SYNE1: variants seen among roughly 807,000 people sequenced by gnomAD.
SYNE1 encodes nesprin-1.
In SYNE1, 616 loss-of-function variants were observed where a neutral mutation model predicts 1,111.0. The ratio of observed to expected loss-of-function variants is 0.55; its 90% CI spans 0.52 to 0.59. The LOEUF is 0.59. Among genes scored for constraint, SYNE1 ranks in the 20% least tolerant of loss-of-function variants. The pLI, the probability that SYNE1 is intolerant of heterozygous loss-of-function variation, is 0.00. For missense variants in SYNE1, 10,006 were observed against 10,417.0 expected (o/e 0.96, Z 1.72); for synonymous variants, 3,855 against 3,825.8 (o/e 1.01, Z -0.28).
intron 3 of SYNE1, among the ~76,000 whole-genome samples, chr6:152,599,073 C>A (rs1195850293): frequency 1.3e-5 from 2 of 152,110 alleles, no homozygotes; most frequent in Non-Finnish European, 2.9e-5. Context: ...CAGCACAGTC[C>A]AAGGAAATTT....
rs2095512101 is a variant in SYNE1, at chr6:152,310,411, C to CG, written c.17003_17004insC (p.Gln5668HisfsTer11). ...TTTGGCTTACCTGCCGATGAGAGAG[C>CG]TGCTCCTTGAGACTGAGACGTCCAA... is the stretch of plus-strand genomic sequence containing the variant. On this transcript the variant is annotated frameshift_variant, in exon 89 of 146. Coordinates refer to ENST00000367255, the MANE Select transcript of SYNE1 (RefSeq NM_182961.4). LOFTEE classifies it high-confidence loss of function. 1.9e-6 allele frequency: 3 copies of CG among 1,614,080 alleles called. No homozygotes were observed. The highest frequency in any genetic ancestry group is 2.5e-6 in the Non-Finnish European group (3 of 1,180,056).
Position 152,211,417 on chromosome 6 carries a change from C to T in SYNE1, c.22589+77G>A, listed in dbSNP as rs943203421. On this transcript the variant is annotated intron_variant, in intron 124 of 145. Transcript: ENST00000367255. ...TGCCTCAGGAAGATTGGATATATGCCCTCCAATCTGCTCATTAAAAAGAAA... is the reference window on the plus strand; with the variant it reads ...TGCCTCAGGAAGATTGGATATATGCTCTCCAATCTGCTCATTAAAAAGAAA... 1.7e-5 allele frequency: 20 copies of T among 1,209,068 alleles called. No homozygotes were observed. The African/African-American group carries it at 2.8e-4, about 17-fold the overall frequency. The allele number at this position is 1,209,068 out of a possible 1,614,324, so 74.9% of individuals were successfully genotyped here. A position where few individuals can be genotyped will look rare whatever the true frequency, so the allele number is the denominator to read the frequency against.
Position 152,628,264 on chromosome 6 carries a change from C to A in SYNE1, c.67+1G>T, listed in dbSNP as rs1213042460. On this transcript the variant is annotated splice_donor_variant, in intron 3 of 145. Coordinates refer to ENST00000367255, the MANE Select transcript of SYNE1 (RefSeq NM_182961.4). LOFTEE classifies it high-confidence loss of function. Reference sequence around the variant, plus strand: ...TAAAACCTGAAATTTCTTCCCCCTACCTTGCAGCCTCTGCATCACATTGGC... The same window carrying A: ...TAAAACCTGAAATTTCTTCCCCCTAACTTGCAGCCTCTGCATCACATTGGC... 7 of 1,614,144 alleles carry A rather than the reference C, an allele frequency of 4.3e-6. No homozygotes were observed. The highest frequency in any genetic ancestry group is 5.1e-6 in the Non-Finnish European group (6 of 1,180,026).
At chr6:152,473,907 C>A (rs910113969) in intron 14 of SYNE1, among the ~76,000 whole-genome samples, 1 of 152,084 alleles carries the variant, frequency 6.6e-6, no homozygotes, top group Non-Finnish European at 1.5e-5. Flanking sequence ...ATTCTTAGGC[C>A]GGGTGTGGTG....
intron 42 of SYNE1, among the ~76,000 whole-genome samples, chr6:152,411,809 C>T (rs550458751): frequency 2.6e-4 from 39 of 151,284 alleles, no homozygotes; most frequent in African/African-American, 9.3e-4. Context: ...TGTCACAATA[C>T]CAAGTGTTAG....
chr6:152,241,538 C>A, intron 107 of SYNE1, among the ~76,000 whole-genome samples: 1 of 11,288 alleles, frequency 8.9e-5, no homozygotes, highest in African/African-American at 5.6e-4. Flanking sequence ...GTGAAATACG[C>A]ATTCTTCTAC....
In SYNE1 at chr6:152,425,415, T is replaced by G; in HGVS notation, c.5233A>C (p.Arg1745=). ...MKLHLEQLDE[R]WRDLPQIINK... is the part of the protein sequence containing the mutation. The stretch of plus-strand genomic sequence containing the variant: ...ATGATCTGTGGTAAATCTCTCCATC[T>G]CTCATCCAACTGCTCCAAATGTAGT... Residue 1745 remains arginine (R), a synonymous_variant, in exon 39 of 146, where the codon AGA becomes CGA. Transcript: ENST00000367255. 6.2e-7 allele frequency: 1 copy of G among 1,614,220 alleles called. No individual in the cohort carries two copies. The highest frequency in any genetic ancestry group is 8.5e-7 in the Non-Finnish European group (1 of 1,180,022).
chr6:152,462,537 T>C, intron 20 of SYNE1: 1 of 624,152 alleles, frequency 1.6e-6, no homozygotes, highest in Non-Finnish European at 2.7e-6. Context: ...AGAAACAATT[T>C]GAAGTTACTT....
chr6:152,267,103 A>G (rs2092790609), intron 100 of SYNE1, among the ~76,000 whole-genome samples: 1 of 152,186 alleles, frequency 6.6e-6, no homozygotes, highest in Non-Finnish European at 1.5e-5. Context: ...TTTTTATAGT[A>G]GTGAGCATTT....
chr6:152,476,495 G>T (rs531941930), intron 14 of SYNE1, among the ~76,000 whole-genome samples: 4 of 152,066 alleles, frequency 2.6e-5, no homozygotes, highest in Admixed American at 1.3e-4. Context: ...TGATGGAAAT[G>T]GTACCCTGGC....
intron 64 of SYNE1, 22 bp from the exon 65 acceptor site, chr6:152,359,480 T>C: frequency 1.2e-6 from 2 of 1,614,072 alleles, no homozygotes; most frequent in Non-Finnish European, 8.5e-7. Flanking sequence ...TTAAGAAAAA[T>C]AAAGTGGCCA....
At chr6:152,144,842 A>G (rs1297381614) in intron 137 of SYNE1, 1 of 156,634 alleles carries the variant, frequency 6.4e-6, no homozygotes, top group Non-Finnish European at 1.4e-5. Flanking sequence ...AACACTAAGC[A>G]AAACTAGTTC....
At chr6:152,436,205 C>T in intron 32 of SYNE1, 104 bp from the exon 33 acceptor site, 1 of 1,199,790 alleles carries the variant, frequency 8.3e-7, no homozygotes, top group Non-Finnish European at 1.2e-6. Flanking sequence ...TGGATGAAGA[C>T]ATAGAGTCAT....
In SYNE1 at chr6:152,242,353, C is replaced by A. The variant is rs773653017; in HGVS notation, c.19780G>T (p.Ala6594Ser). 1 of 1,613,908 alleles carries A rather than the reference C, an allele frequency of 6.2e-7. No homozygotes were observed. Among genetic ancestry groups the A allele is most frequent in the African/African-American group, 1.3e-5 (1 of 74,884 alleles). The change falls in exon 107 of 146, where the codon GCC becomes TCC. Residue 6594 changes from alanine (A) to serine (S), a missense_variant. Ala to Ser is a moderately conservative substitution (Grantham distance 99). Coordinates refer to ENST00000367255, the MANE Select transcript of SYNE1 (RefSeq NM_182961.4). ...AGCAGGTCAGCCAGATCTTGTAGGG[C>A]CCTCTCATACTGACTCTTGAGTGTA... The part of the protein sequence containing the change: ...NLTLKSQYER[A>S]LQDLADLLET...
chr6:152,589,930 CTTTT>C (rs35508645), intron 3 of SYNE1, among the ~76,000 whole-genome samples: 1 of 134,008 alleles, frequency 7.5e-6, no homozygotes, highest in Non-Finnish European at 1.6e-5. Flanking sequence ...CTAAACATTT[CTTTT>C]TTTTTTTTTT....
Position 152,419,560 on chromosome 6 carries a change from C to A in SYNE1, c.5421+9G>T, listed in dbSNP as rs376218204. Reference sequence around the variant, plus strand: ...TTCTTCAATCTTAAAAAAAAAAAAACCACTTTACCTTATGCCGAGTAAGGG... The same window carrying A: ...TTCTTCAATCTTAAAAAAAAAAAAAACACTTTACCTTATGCCGAGTAAGGG... On this transcript the variant is annotated intron_variant, in intron 40 of 145. Transcript: ENST00000367255. 2.0e-4 allele frequency: 312 copies of A among 1,563,100 alleles called. No individual in the cohort carries two copies. Among genetic ancestry groups the A allele is most frequent in the African/African-American group, 1.6e-3 (109 of 67,224 alleles).
Position 152,255,866 on chromosome 6 carries a change from A to G in SYNE1, c.19105-120T>C, listed in dbSNP as rs2090683437. 5.4e-5 allele frequency: 62 copies of G among 1,144,646 alleles called. 1 individual carries two copies. The Middle Eastern group carries it at 9.8e-4, about 18-fold the overall frequency. The allele number at this position is 1,144,646 out of a possible 1,614,324, so 70.9% of individuals were successfully genotyped here. A position where few individuals can be genotyped will look rare whatever the true frequency, so the allele number is the denominator to read the frequency against. On this transcript the variant is annotated intron_variant, in intron 102 of 145. Coordinates refer to ENST00000367255, the MANE Select transcript of SYNE1 (RefSeq NM_182961.4). ...TAATCTGAGCACTTTGGTAGCCCAA[A>G]GCAGACAGATCACTTGAGGTCAGGA...
chr6:152,173,250 T>A (rs2065635514), intron 130 of SYNE1, among the ~76,000 whole-genome samples: 1 of 152,248 alleles, frequency 6.6e-6, no homozygotes, highest in Non-Finnish European at 1.5e-5. Context: ...ATGTATGTAA[T>A]AGATTTGTTA....
chr6:152,570,168 A>G (rs2099442099), intron 3 of SYNE1, among the ~76,000 whole-genome samples: 1 of 152,242 alleles, frequency 6.6e-6, no homozygotes, highest in Admixed American at 6.5e-5. Context: ...ACAGCAAAAT[A>G]AAAAACACAA....
Sources: gnomAD v4.1 joint callset for allele counts (sites outside exome capture counted in the v4.1 genomes callset) on GRCh38, gnomAD v4.1.1 for gene constraint, MANE v1.5 for transcripts, NCBI Gene and HGNC (gene_info 2026-07-23, HGNC 2026-07-21) for gene names.